DLG2: variants seen among roughly 807,000 people sequenced by gnomAD.
DLG2 encodes disks large homolog 2.
A neutral mutation model predicts 132.5 loss-of-function variants in DLG2; 45 were observed. The observed-to-expected ratio is 0.34, with a 90% CI of 0.27 to 0.44. The LOEUF is 0.44. Ranked by LOEUF, DLG2 falls within the 20% of genes least tolerant of loss-of-function variation. The pLI is 1.00. For missense variants in DLG2, 1,045 were observed against 1,196.9 expected, an observed-to-expected ratio of 0.87 and a Z score of 1.87; for synonymous variants, 424 against 419.6, an observed-to-expected ratio of 1.01 and a Z score of -0.13.
chr11:84,353,395 T>G (rs2098593337), intron 7 of DLG2, among the ~76,000 whole-genome samples: 2 of 152,292 alleles, frequency 1.3e-5, no homozygotes, highest in East Asian at 3.9e-4. Flanking sequence ...TTCACTCAGC[T>G]GCACAAACTA....
intron 6 of DLG2, among the ~76,000 whole-genome samples, chr11:84,710,229 C>T (rs1259468797): frequency 6.6e-6 from 1 of 151,942 alleles, no homozygotes; most frequent in East Asian, 1.9e-4. Context: ...TTCCCATGTA[C>T]ATTTCTTAGT....
intron 4 of DLG2, among the ~76,000 whole-genome samples, chr11:85,195,812 C>T (rs890709378): frequency 1.1e-4 from 17 of 152,120 alleles, no homozygotes; most frequent in African/African-American, 4.1e-4. Flanking sequence ...AAGCCTGAGC[C>T]ACCGCGCCCG....
At chr11:84,830,858 C>G (rs1382980759) in intron 6 of DLG2, among the ~76,000 whole-genome samples, 1 of 151,310 alleles carries the variant, frequency 6.6e-6, no homozygotes, top group African/African-American at 2.4e-5. Flanking sequence ...AATTACCTCT[C>G]TTAATGAAAT....
At chr11:84,735,223 C>T (rs567846593) in intron 6 of DLG2, among the ~76,000 whole-genome samples, 1 of 152,218 alleles carries the variant, frequency 6.6e-6, no homozygotes, top group South Asian at 2.1e-4. Context: ...GTACCAGCTC[C>T]TCCTTGTACC....
At chr11:84,926,740 T>A (rs2092992565) in intron 6 of DLG2, among the ~76,000 whole-genome samples, 1 of 151,916 alleles carries the variant, frequency 6.6e-6, no homozygotes, top group African/African-American at 2.4e-5. Context: ...CCCTTGTCAG[T>A]AAATGAGAGA....
intron 6 of DLG2, among the ~76,000 whole-genome samples, chr11:84,988,515 C>T (rs2056748108): frequency 6.6e-6 from 1 of 152,066 alleles, no homozygotes; most frequent in Non-Finnish European, 1.5e-5. Flanking sequence ...ATATATATTA[C>T]ATATATGATG....
intron 6 of DLG2, among the ~76,000 whole-genome samples, chr11:84,601,113 T>G (rs932655853): frequency 6.6e-6 from 1 of 152,148 alleles, no homozygotes; most frequent in Non-Finnish European, 1.5e-5. Context: ...TGTAGAAGAT[T>G]GTACACAGGT....
chr11:83,915,911 C>A (rs999295400), intron 15 of DLG2, among the ~76,000 whole-genome samples: 2 of 152,108 alleles, frequency 1.3e-5, no homozygotes, highest in East Asian at 1.9e-4. Flanking sequence ...TCCCTCTAGC[C>A]CCAGGAAATC....
At chr11:84,575,019 C>T (rs1377620147) in intron 6 of DLG2, among the ~76,000 whole-genome samples, 2 of 152,106 alleles carry the variant, frequency 1.3e-5, no homozygotes, top group Non-Finnish European at 2.9e-5. Flanking sequence ...CTAGAAGCAT[C>T]GTCAGCTCTC....
chr11:85,151,315 G>A (rs2077233384), intron 5 of DLG2, among the ~76,000 whole-genome samples: 1 of 151,074 alleles, frequency 6.6e-6, no homozygotes, highest in African/African-American at 2.4e-5. Context: ...TCCATTGGTT[G>A]TCTTTTCACT....
intron 7 of DLG2, among the ~76,000 whole-genome samples, chr11:84,361,409 T>G (rs2098649055): frequency 6.6e-6 from 1 of 151,892 alleles, no homozygotes; most frequent in Non-Finnish European, 1.5e-5. Flanking sequence ...ACTATTCAGA[T>G]CATATGGCAG....
chr11:84,959,308 G>A (rs1376618079), intron 6 of DLG2, among the ~76,000 whole-genome samples: 1 of 152,136 alleles, frequency 6.6e-6, no homozygotes, highest in African/African-American at 2.4e-5. Context: ...AATGATTCAA[G>A]GCAATGAATG....
At chr11:85,532,590 C>T (rs1020176202) in intron 3 of DLG2, among the ~76,000 whole-genome samples, 2 of 152,208 alleles carry the variant, frequency 1.3e-5, no homozygotes, top group African/African-American at 4.8e-5. Context: ...GTATGGTCTA[C>T]AGATAGAACA....
At chr11:83,477,934 C>G (rs1251896983) in intron 22 of DLG2, among the ~76,000 whole-genome samples, 1 of 152,026 alleles carries the variant, frequency 6.6e-6, no homozygotes, top group Non-Finnish European at 1.5e-5. Context: ...GCCTAGCTAG[C>G]AAGTTCCTCA....
intron 6 of DLG2, among the ~76,000 whole-genome samples, chr11:85,024,862 A>C (rs182802441): frequency 1.2e-4 from 19 of 152,336 alleles, no homozygotes; most frequent in Admixed American, 6.5e-4. Context: ...AGAGGGACTA[A>C]AGTTATTCCT....
At chr11:85,532,639 T>C (rs2075285700) in intron 3 of DLG2, among the ~76,000 whole-genome samples, 1 of 152,202 alleles carries the variant, frequency 6.6e-6, no homozygotes, top group African/African-American at 2.4e-5. Context: ...GGATGGGCAG[T>C]GCTGTCATAT....
At chr11:85,045,772 T>C (rs2062281712) in intron 6 of DLG2, among the ~76,000 whole-genome samples, 1 of 152,024 alleles carries the variant, frequency 6.6e-6, no homozygotes, top group African/African-American at 2.4e-5. Context: ...AGTCTGAGTT[T>C]TACAGAAGGG....
At chr11:85,252,881 C>A (rs533059657) in intron 4 of DLG2, among the ~76,000 whole-genome samples, 9 of 152,252 alleles carry the variant, frequency 5.9e-5, no homozygotes, top group African/African-American at 2.2e-4. Context: ...TCTACTGAAT[C>A]TATCCTTCTA....
At chr11:85,469,908 T>A (rs1252741830) in intron 3 of DLG2, among the ~76,000 whole-genome samples, 1 of 152,174 alleles carries the variant, frequency 6.6e-6, no homozygotes, top group Non-Finnish European at 1.5e-5. Context: ...TATAATGCCC[T>A]TCCTCTATTC....
Sources: allele counts gnomAD v4.1 joint callset (sites outside exome capture counted in the v4.1 genomes callset), GRCh38; gene constraint gnomAD v4.1.1; transcripts MANE v1.5; gene names NCBI Gene and HGNC (gene_info 2026-07-23, HGNC 2026-07-21).